The following PASK variants were observed in gnomAD, a reference collection of about 807,000 sequenced individuals.
The protein encoded by PASK is PAS domain containing serine/threonine kinase, also known as PAS domain-containing serine/threonine-protein kinase.
In PASK, 110 loss-of-function variants were observed where a neutral mutation model predicts 121.0. That is an observed-to-expected ratio of 0.91 (90% CI 0.78 to 1.06). PASK has a LOEUF of 1.06. Among genes scored for constraint, PASK ranks in the 50% least tolerant of loss-of-function variants. PASK has a pLI of 0.00. For missense variants in PASK, 1,643 were observed against 1,702.3 expected (o/e 0.97, Z 0.61); for synonymous variants, 686 against 717.8 (o/e 0.96, Z 0.71).
rs76393775 is a variant in PASK at position 241,130,596 on chromosome 2, T to C, written c.1463+2278A>G. 2.3e-4 allele frequency among the ~76,000 whole-genome samples: 35 copies of C among 152,182 alleles called. No homozygotes were observed. The East Asian group carries it at 6.4e-3, about 28-fold the overall frequency. ...TGGAGAGGTGCGCACAGCAATATTATTCATAGTAATATTGAAAACTCACGT... is the reference window on the plus strand; with the variant it reads ...TGGAGAGGTGCGCACAGCAATATTACTCATAGTAATATTGAAAACTCACGT... On this transcript the variant is annotated intron_variant, in intron 9 of 17. Coordinates refer to ENST00000234040, the MANE Select transcript of PASK (RefSeq NM_015148.4).
rs141663644 is a variant in PASK, at chr2:241,126,339, C to T, written c.2576G>A (p.Cys859Tyr). Residue 859 changes from cysteine to tyrosine, a missense_variant, in exon 10 of 18, where the codon TGC becomes TAC. Cys to Tyr is a radical substitution (Grantham distance 194, BLOSUM62 -2). Around this residue, in one of 3 missense-constraint regions of PASK, gnomAD observed 1,176 missense variants for 1,162.2 expected, o/e 1.01. Coordinates refer to ENST00000234040, the MANE Select transcript of PASK (RefSeq NM_015148.4). ...STLDAGPEDTCPSAEEPRLNV... is the reference protein window; with the variant it reads ...STLDAGPEDTYPSAEEPRLNV... ...CAGCCTTGGCTCCTCTGCTGATGGGCACGTGTCCTCAGGGCCAGCATCCAA... is the reference window on the plus strand; with the variant it reads ...CAGCCTTGGCTCCTCTGCTGATGGGTACGTGTCCTCAGGGCCAGCATCCAA... 208 of 1,614,238 alleles carry T rather than the reference C, an allele frequency of 1.3e-4. No individual in the cohort carries two copies. The African/African-American group carries it at 2.4e-3, about 19-fold the overall frequency.
In PASK at chr2:241,127,673, C is replaced by T. The variant is rs899830097; in HGVS notation, c.1464-222G>A. The T allele has an allele frequency of 5.2e-5, 30 of 571,886 alleles. 1 individual carries two copies. Among genetic ancestry groups the T allele is most frequent in the Middle Eastern group, 4.6e-4 (1 of 2,156 alleles). 35.4% of individuals were successfully genotyped at this position (571,886 alleles called of 1,614,324 possible). A position where few individuals can be genotyped will look rare whatever the true frequency, so the allele number is the denominator to read the frequency against. Reference sequence around the variant, plus strand: ...AGAAATGATTTTGCAGAGAATGCTACCAAAAGCCCAACAGTAAAGTACAGG... The same window carrying T: ...AGAAATGATTTTGCAGAGAATGCTATCAAAAGCCCAACAGTAAAGTACAGG... On this transcript the variant is annotated intron_variant, in intron 9 of 17. Coordinates refer to ENST00000234040, the MANE Select transcript of PASK (RefSeq NM_015148.4).
rs200737770 is a variant in PASK at position 241,122,716 on chromosome 2, C to G, written c.3072+16G>C. Reference sequence around the variant, plus strand: ...AAGTGGTGCCCGGCGCCACTCCCCCCCCACAGCCAGGTTACCTCCTTGTTT... The same window carrying G: ...AAGTGGTGCCCGGCGCCACTCCCCCGCCACAGCCAGGTTACCTCCTTGTTT... On this transcript the variant is annotated intron_variant, in intron 12 of 17. Coordinates refer to ENST00000234040, the MANE Select transcript of PASK (RefSeq NM_015148.4). 57 of 1,613,282 alleles carry G rather than the reference C, an allele frequency of 3.5e-5. No individual in the cohort carries two copies. Among genetic ancestry groups the G allele is most frequent in the East Asian group, 2.5e-4 (11 of 44,872 alleles).
intron 7 of PASK, among the ~76,000 whole-genome samples, chr2:241,136,284 A>G (rs2066429089): frequency 6.6e-6 from 1 of 152,266 alleles, no homozygotes; most frequent in South Asian, 2.1e-4. Flanking sequence ...TTACAGTGAC[A>G]TCGACACATC....
chr2:241,134,769 CCACT>C (rs2066327803), intron 8 of PASK: 1 of 151,762 alleles, frequency 6.6e-6, no homozygotes, highest in African/African-American at 2.4e-5. Flanking sequence ...TCTCTCACCC[CCACT>C]GTGTCCTTCC....
At chr2:241,114,593 ATACT>A (rs2065245506) in intron 14 of PASK, 1 of 1,048,128 alleles carries the variant, frequency 9.5e-7, no homozygotes, top group Non-Finnish European at 1.2e-6. Context: ...ATCAAGACAA[ATACT>A]TACTGAAAAG....
rs1575230799 is a variant in PASK at position 241,112,948 on chromosome 2, A to G, written c.3334-509T>C. On this transcript the variant is annotated intron_variant, in intron 14 of 17. Transcript: ENST00000234040. This position sits in a 1 kb window ranked among gnomAD's most constrained non-coding sequence, Gnocchi z 5.2. ...CAATTTGGGGCAGAGCTGGGAGCACAGCCTCAGTGGCTTCTCAGAGAGCAG... is the reference window on the plus strand; with the variant it reads ...CAATTTGGGGCAGAGCTGGGAGCACGGCCTCAGTGGCTTCTCAGAGAGCAG... 6.6e-6 allele frequency among the ~76,000 whole-genome samples: 1 copy of G among 152,384 alleles called. No individual in the cohort carries two copies. The highest frequency in any genetic ancestry group is 1.9e-4 in the East Asian group (1 of 5,188).
In PASK at chr2:241,119,005, C is replaced by T. The variant is rs569364887; in HGVS notation, c.3073-3592G>A. 35 of 928,388 alleles carry T rather than the reference C, an allele frequency of 3.8e-5. No individual in the cohort carries two copies. In the African/African-American group the frequency reaches 4.4e-4, roughly 12 times the overall value. The allele number at this position is 928,388 out of a possible 1,614,324, so 57.5% of individuals were successfully genotyped here. ...CCAAGGGCTGTCAGGCTGGGCCTTGCGCCATCGAGCAGCCCGTTCCCAGCC... is the reference window on the plus strand; with the variant it reads ...CCAAGGGCTGTCAGGCTGGGCCTTGTGCCATCGAGCAGCCCGTTCCCAGCC... On this transcript the variant is annotated intron_variant, in intron 12 of 17. Coordinates refer to ENST00000234040, the MANE Select transcript of PASK (RefSeq NM_015148.4).
At chr2:241,150,280 C>G (rs918020234), upstream of PASK, 5 of 1,318,970 alleles carry the variant, frequency 3.8e-6, no homozygotes, top group Non-Finnish European at 4.8e-6. Context: ...CAGACTGTTC[C>G]GGCTCCGCCG....
intron 1 of PASK, among the ~76,000 whole-genome samples, chr2:241,145,073 C>A (rs1472489145): frequency 6.6e-6 from 1 of 152,184 alleles, no homozygotes; most frequent in African/African-American, 2.4e-5. Context: ...GCCACCACGC[C>A]TGGCTAATTT....
Position 241,115,196 on chromosome 2 carries a change from A to G in PASK, c.3199-19T>C. The G allele has an allele frequency of 6.2e-7, 1 of 1,614,078 alleles. No homozygotes were observed. Among genetic ancestry groups the G allele is most frequent in the South Asian group, 1.1e-5 (1 of 91,090 alleles). On this transcript the variant is annotated intron_variant, in intron 13 of 17. Transcript: ENST00000234040. ...CCAATACCTAGGAAGAGACAAAGCCAAGTCCAACTCTACCAAAACATCTTC... is the reference window on the plus strand; with the variant it reads ...CCAATACCTAGGAAGAGACAAAGCCGAGTCCAACTCTACCAAAACATCTTC...
intron 11 of PASK, among the ~76,000 whole-genome samples, chr2:241,123,135 C>T (rs1158219303): frequency 6.6e-6 from 1 of 152,082 alleles, no homozygotes; most frequent in Non-Finnish European, 1.5e-5. Flanking sequence ...TGTTTACACC[C>T]CACCATATAC....
At chr2:241,142,225 T>A (rs550243881) in intron 2 of PASK, among the ~76,000 whole-genome samples, 1 of 152,142 alleles carries the variant, frequency 6.6e-6, no homozygotes. Flanking sequence ...CAGCCACCAT[T>A]TCCCGCAGCT....
chr2:241,106,449 T>A lies in PASK; in HGVS notation c.*117A>T, dbSNP rs1262708860. ...TTCTGGTGTTTATCAAACCTGCACA[T>A]GAGTTTTTAGAAGGTGAATTGGGGA... On this transcript the variant is annotated 3_prime_UTR_variant, in exon 18 of 18. Transcript: ENST00000234040. 4 of 1,013,204 alleles carry A rather than the reference T, an allele frequency of 3.9e-6. No individual in the cohort carries two copies. Among genetic ancestry groups the A allele is most frequent in the Admixed American group, 1.7e-5 (1 of 59,216 alleles). The allele number at this position is 1,013,204 out of a possible 1,614,324, so 62.8% of individuals were successfully genotyped here.
chr2:241,115,997 C>T (rs1401916840), intron 12 of PASK, among the ~76,000 whole-genome samples: 1 of 121,822 alleles, frequency 8.2e-6, no homozygotes, highest in Admixed American at 7.9e-5. Context: ...ACACCAGGGG[C>T]CACCATCGGT....
At chr2:241,132,139 T>C (rs1252166575) in intron 9 of PASK, among the ~76,000 whole-genome samples, 6 of 150,596 alleles carry the variant, frequency 4.0e-5, no homozygotes, top group South Asian at 2.1e-4. Flanking sequence ...ACTATGAGAA[T>C]AGAACAAGTT....
At chr2:241,110,007 G>A (rs918801673) in intron 15 of PASK, among the ~76,000 whole-genome samples, 4 of 152,192 alleles carry the variant, frequency 2.6e-5, no homozygotes, top group South Asian at 2.1e-4. Flanking sequence ...TTGCACACAC[G>A]TTTGTAGCAG....
At chr2:241,129,842 C>CT (rs2066044033) in intron 9 of PASK, among the ~76,000 whole-genome samples, 1 of 152,220 alleles carries the variant, frequency 6.6e-6, no homozygotes. Flanking sequence ...ACCGTAGGTC[C>CT]TCCAGTGGGG....
chr2:241,139,675 C>A (rs1264486306), intron 4 of PASK: 2 of 707,082 alleles, frequency 2.8e-6, no homozygotes, highest in African/African-American at 3.5e-5. Context: ...AGTGTCCATT[C>A]CTGCGATGAT....
Sources: allele counts gnomAD v4.1 joint callset (sites outside exome capture counted in the v4.1 genomes callset), GRCh38; gene constraint gnomAD v4.1.1; regional missense constraint gnomAD v4.1.1; non-coding constraint Gnocchi (gnomAD v3.1); transcripts MANE v1.5; gene names NCBI Gene and HGNC (gene_info 2026-07-23, HGNC 2026-07-21).